Variants in OR10AD1 observed in about 807,000 individuals in gnomAD.
The protein encoded by OR10AD1 is olfactory receptor 10AD1.
For missense variants in OR10AD1, 309 were observed against 192.7 expected (o/e 1.60, Z -3.57); for synonymous variants, 115 against 72.2 (o/e 1.59, Z -3.00).
Position 48,203,289 on chromosome 12 carries a change from G to C in OR10AD1, c.4C>G (p.Leu2Val). Residue 2 changes from leucine to valine, a missense_variant, in exon 1 of 1, where the codon CTA (leucine) becomes GTA (valine). Transcript: ENST00000310248. Reference protein sequence around the residue: MLRNGSIVTEFI... With the variant: MVRNGSIVTEFI... Reference sequence around the variant, plus strand: ...TCCGTCACTATGCTGCCATTCCTTAGCATCTGGGGCCTGTTTGAGGAGGAA... The same window carrying C: ...TCCGTCACTATGCTGCCATTCCTTACCATCTGGGGCCTGTTTGAGGAGGAA... 1 of 778,698 alleles carries C rather than the reference G, an allele frequency of 1.3e-6. No homozygotes were observed. Among genetic ancestry groups the C allele is most frequent in the Middle Eastern group, 2.3e-4 (1 of 4,436 alleles). The allele number at this position is 778,698 out of a possible 1,614,324, so 48.2% of individuals were successfully genotyped here.
chr12:48,202,881 T>A lies in OR10AD1; in HGVS notation c.412A>T (p.Ser138Cys), dbSNP rs758276212. 4 of 781,048 alleles carry A rather than the reference T, an allele frequency of 5.1e-6. No homozygotes were observed. The highest frequency in any genetic ancestry group is 2.3e-4 in the Middle Eastern group (1 of 4,442). The allele number at this position is 781,048 out of a possible 1,614,324, so 48.4% of individuals were successfully genotyped here. Reference protein sequence around the residue: ...CYPLNYVPIISQKVCVRLVGT... With the variant: ...CYPLNYVPIICQKVCVRLVGT... Reference sequence around the variant, plus strand: ...ACAAGCCTGACACAGACCTTCTGGCTTATGATCGGGACATAGTTAAGTGGG... The same window carrying A: ...ACAAGCCTGACACAGACCTTCTGGCATATGATCGGGACATAGTTAAGTGGG... Residue 138 changes from serine (S) to cysteine (C), a missense_variant, in exon 1 of 1, where the codon AGC (serine) becomes TGC (cysteine). Transcript: ENST00000310248.
In OR10AD1 at chr12:48,202,387, C is replaced by T; in HGVS notation, c.906G>A (p.Met302Ile). The T allele has an allele frequency of 1.3e-6, 1 of 779,900 alleles. No homozygotes were observed. Among genetic ancestry groups the T allele is most frequent in the Non-Finnish European group, 2.4e-6 (1 of 417,440 alleles). 48.3% of individuals were successfully genotyped at this position (779,900 alleles called of 1,614,324 possible). ...SFRNKEIKEA[M>I]VRALGRTRLA... ...GCCTGGTTCTTCCAAGTGCCCTCAC[C>T]ATGGCCTCCTTAATTTCCTTGTTGC... Residue 302 changes from methionine (M) to isoleucine (I), a missense_variant, in exon 1 of 1, where the codon ATG becomes ATA. Met to Ile is a conservative substitution (Grantham distance 10). Coordinates refer to ENST00000310248, the MANE Select transcript of OR10AD1 (RefSeq NM_001004134.1).
At position 48,202,646 on chromosome 12, in the gene OR10AD1, A is replaced by G; in HGVS notation, c.647T>C (p.Val216Ala). Reference sequence around the variant, plus strand: ...GGCCAGGATGTGCACATAGGAAGTGACAGTGAGCACCATGGGGCTGAGAAT... The same window carrying G: ...GGCCAGGATGTGCACATAGGAAGTGGCAGTGAGCACCATGGGGCTGAGAAT... ...VVILSPMVLTVTSYVHILATI... is the reference protein window; with the variant it reads ...VVILSPMVLTATSYVHILATI... The change falls in exon 1 of 1, where the codon GTC becomes GCC. Residue 216 changes from valine (V) to alanine (A), a missense_variant. Val to Ala is a moderately conservative substitution (Grantham distance 64). Transcript: ENST00000310248. The G allele has an allele frequency of 1.3e-6, 1 of 781,068 alleles. No individual in the cohort carries two copies. The highest frequency in any genetic ancestry group is 1.7e-5 in the Admixed American group (1 of 59,032). 48.4% of individuals were successfully genotyped at this position (781,068 alleles called of 1,614,324 possible). A position where few individuals can be genotyped will look rare whatever the true frequency, so the allele number is the denominator to read the frequency against.
chr12:48,202,630 G>T lies in OR10AD1; in HGVS notation c.663C>A (p.His221Gln), dbSNP rs773430631. The stretch of plus-strand genomic sequence containing the variant: ...CTTTGCTGAGGATGGTGGCCAGGAT[G>T]TGCACATAGGAAGTGACAGTGAGCA... Reference protein sequence around the residue: ...PMVLTVTSYVHILATILSKAS... With the variant: ...PMVLTVTSYVQILATILSKAS... Residue 221 changes from histidine (H) to glutamine (Q), a missense_variant, in exon 1 of 1, where the codon CAC becomes CAA. His to Gln is a conservative substitution (Grantham distance 24). Coordinates refer to ENST00000310248, the MANE Select transcript of OR10AD1 (RefSeq NM_001004134.1). 3.8e-6 allele frequency: 3 copies of T among 781,074 alleles called. No individual in the cohort carries two copies. The highest frequency in any genetic ancestry group is 4.8e-6 in the Non-Finnish European group (2 of 418,136). 48.4% of individuals were successfully genotyped at this position (781,074 alleles called of 1,614,324 possible). A position where few individuals can be genotyped will look rare whatever the true frequency, so the allele number is the denominator to read the frequency against.
rs1951601950 is a variant in OR10AD1, at chr12:48,202,696, T to A, written c.597A>T (p.Ala199=). ...SCGDPQFSLW[A]IFADAIVVIL... ...TTACCACGATGGCATCGGCAAAGAT[T>A]GCCCACAGACTAAACTGAGGGTCCC... The change falls in exon 1 of 1, where the codon GCA becomes GCT. Residue 199 remains alanine, a synonymous_variant. Transcript: ENST00000310248. The A allele has an allele frequency of 1.3e-6, 1 of 781,044 alleles. No individual in the cohort carries two copies. The highest frequency in any genetic ancestry group is 1.7e-5 in the African/African-American group (1 of 59,240). The allele number at this position is 781,044 out of a possible 1,614,324, so 48.4% of individuals were successfully genotyped here. A position where few individuals can be genotyped will look rare whatever the true frequency, so the allele number is the denominator to read the frequency against.
Position 48,202,549 on chromosome 12 carries a change from C to T in OR10AD1, c.744G>A (p.Val248=), listed in dbSNP as rs770820657. 29 of 780,824 alleles carry T rather than the reference C, an allele frequency of 3.7e-5. No homozygotes were observed. The highest frequency in any genetic ancestry group is 6.5e-5 in the Non-Finnish European group (27 of 418,120). The allele number at this position is 780,824 out of a possible 1,614,324, so 48.4% of individuals were successfully genotyped here. ...TAGCTGAAGTGTAGAGAAAGATGAC[C>T]ACAGTCAGGTGAGAGGCACAAGTAG... The part of the protein sequence containing the change: ...TFSTCASHLT[V]VIFLYTSAMF... The change falls in exon 1 of 1, where the codon GTG becomes GTA. Residue 248 remains valine, a synonymous_variant. Transcript: ENST00000310248.
rs779253514 is a variant in OR10AD1, at chr12:48,202,992, G to T, written c.301C>A (p.Gln101Lys). Residue 101 changes from glutamine to lysine, a missense_variant, in exon 1 of 1, where the codon CAG (glutamine) becomes AAG (lysine). Physicochemically the swap from Gln to Lys is moderately conservative, Grantham distance 53 (BLOSUM62 1). Coordinates refer to ENST00000310248, the MANE Select transcript of OR10AD1 (RefSeq NM_001004134.1). ...CCAACACAGAAGACAAAGTACATCT[G>T]GGTCATGCAACATACAAAGGAGACA... is the stretch of plus-strand genomic sequence containing the variant. ...HIVSFVCCMT[Q>K]MYFVFCVGVA... The T allele has an allele frequency of 2.6e-6, 2 of 781,040 alleles. No individual in the cohort carries two copies. Among genetic ancestry groups the T allele is most frequent in the South Asian group, 1.3e-5 (1 of 74,602 alleles). The allele number at this position is 781,040 out of a possible 1,614,324, so 48.4% of individuals were successfully genotyped here.
In OR10AD1 at chr12:48,203,232, TG is replaced by T. The variant is rs1951609862; in HGVS notation, c.60del (p.Thr21LeufsTer21). 2.6e-6 allele frequency: 2 copies of T among 781,030 alleles called. No individual in the cohort carries two copies. Among genetic ancestry groups the T allele is most frequent in the South Asian group, 2.7e-5 (2 of 74,620 alleles). 48.4% of individuals were successfully genotyped at this position (781,030 alleles called of 1,614,324 possible). ...GCAAAGAGCAATGCTCGTGTGGAAGTGGAGCTCTGCTGAAAGCCCACGAGGA... is the reference window on the plus strand; with the variant it reads ...GCAAAGAGCAATGCTCGTGTGGAAGTGAGCTCTGCTGAAAGCCCACGAGGA... Reference protein sequence around the residue: ...EFILVGFQQSSTSTRALLFAL... With the variant: ...EFILVGFQQSXTSTRALLFAL... On this transcript the variant is annotated frameshift_variant, in exon 1 of 1. Transcript: ENST00000310248. LOFTEE classifies it low-confidence loss of function (END_TRUNC).
Position 48,203,267 on chromosome 12 carries a change from GT to G in OR10AD1, c.25del (p.Thr9ArgfsTer33), listed in dbSNP as rs751391071. The stretch of plus-strand genomic sequence containing the variant: ...CTGAAAGCCCACGAGGATAAATTCC[GT>G]CACTATGCTGCCATTCCTTAGCATC... The part of the protein sequence containing the change: MLRNGSIV[T>X]EFILVGFQQS... On this transcript the variant is annotated frameshift_variant, in exon 1 of 1. Coordinates refer to ENST00000310248, the MANE Select transcript of OR10AD1 (RefSeq NM_001004134.1). LOFTEE classifies it low-confidence loss of function (END_TRUNC). 1 of 780,726 alleles carries G rather than the reference GT, an allele frequency of 1.3e-6. No individual in the cohort carries two copies. The highest frequency in any genetic ancestry group is 2.4e-6 in the Non-Finnish European group (1 of 418,072). 48.4% of individuals were successfully genotyped at this position (780,726 alleles called of 1,614,324 possible). A position where few individuals can be genotyped will look rare whatever the true frequency, so the allele number is the denominator to read the frequency against.
rs75531856 is a variant in OR10AD1, at chr12:48,202,763, C to T, written c.530G>A (p.Ser177Asn). The T allele has an allele frequency of 0.075, 58,187 of 780,786 alleles. 2,696 individuals carry two copies. Among genetic ancestry groups the T allele is most frequent in the Non-Finnish European group, 0.095 (39,630 of 417,980 alleles). The allele number at this position is 780,786 out of a possible 1,614,324, so 48.4% of individuals were successfully genotyped here. Reference protein sequence around the residue: ...EPFRRDNHIESFFCEAPIVIG... With the variant: ...EPFRRDNHIENFFCEAPIVIG... ...CACTATGGGGGCCTCACAGAAGAAG[C>T]TTTCTATGTGGTTGTCTCTGCGGAA... The change falls in exon 1 of 1, where the codon AGC becomes AAC. Residue 177 changes from serine to asparagine, a missense_variant. By Grantham distance (46) the Ser-to-Asn change is conservative (BLOSUM62 1). Transcript: ENST00000310248.
chr12:48,203,179 G>T lies in OR10AD1; in HGVS notation c.114C>A (p.Thr38=). 1.3e-6 allele frequency: 1 copy of T among 781,094 alleles called. No homozygotes were observed. The highest frequency in any genetic ancestry group is 1.3e-5 in the South Asian group (1 of 74,614). 48.4% of individuals were successfully genotyped at this position (781,094 alleles called of 1,614,324 possible). A position where few individuals can be genotyped will look rare whatever the true frequency, so the allele number is the denominator to read the frequency against. The change falls in exon 1 of 1, where the codon ACC becomes ACA. Residue 38 remains threonine (T), a synonymous_variant. Transcript: ENST00000310248. Reference sequence around the variant, plus strand: ...AGATGATGAGGCCATTCATGGCCATGGTGAGGCTGTAGAGGGCCAAGAAGA... The same window carrying T: ...AGATGATGAGGCCATTCATGGCCATTGTGAGGCTGTAGAGGGCCAAGAAGA... ...FALFLALYSL[T]MAMNGLIIFI...
chr12:48,202,831 C>T lies in OR10AD1; in HGVS notation c.462G>A (p.Leu154=). The change falls in exon 1 of 1, where the codon CTG becomes CTA. Residue 154 remains leucine (L), a synonymous_variant. Transcript: ENST00000310248. ...TATACTCGAGAAAGATGCCATTGAT[C>T]AGCCCAAAGAACCAGGCAGTTCCCA... ...RLVGTAWFFG[L]INGIFLEYIS... 1 of 780,990 alleles carries T rather than the reference C, an allele frequency of 1.3e-6. No individual in the cohort carries two copies. The highest frequency in any genetic ancestry group is 2.4e-5 in the East Asian group (1 of 41,248). 48.4% of individuals were successfully genotyped at this position (780,990 alleles called of 1,614,324 possible). A position where few individuals can be genotyped will look rare whatever the true frequency, so the allele number is the denominator to read the frequency against.
Position 48,202,865 on chromosome 12 carries a change from A to C in OR10AD1, c.428T>G (p.Val143Gly), listed in dbSNP as rs1951604333. The change falls in exon 1 of 1, where the codon GTC becomes GGC. Residue 143 changes from valine (V) to glycine (G), a missense_variant. Physicochemically the swap from Val to Gly is moderately radical, Grantham distance 109. Transcript: ENST00000310248. The stretch of plus-strand genomic sequence containing the variant: ...GAACCAGGCAGTTCCCACAAGCCTG[A>C]CACAGACCTTCTGGCTTATGATCGG... ...YVPIISQKVC[V>G]RLVGTAWFFG... 1.3e-6 allele frequency: 1 copy of C among 780,982 alleles called. No homozygotes were observed. The highest frequency in any genetic ancestry group is 1.7e-5 in the African/African-American group (1 of 59,154). The allele number at this position is 780,982 out of a possible 1,614,324, so 48.4% of individuals were successfully genotyped here. A position where few individuals can be genotyped will look rare whatever the true frequency, so the allele number is the denominator to read the frequency against.
At position 48,202,948 on chromosome 12, in the gene OR10AD1, G is replaced by C. The variant is rs762239026; in HGVS notation, c.345C>G (p.Leu115=). 6 of 780,944 alleles carry C rather than the reference G, an allele frequency of 7.7e-6. No individual in the cohort carries two copies. Among genetic ancestry groups the C allele is most frequent in the Non-Finnish European group, 1.4e-5 (6 of 418,132 alleles). 48.4% of individuals were successfully genotyped at this position (780,944 alleles called of 1,614,324 possible). ...AACGGTCATAGGCCATGAAAGCCAA[G>C]AGGATGCACTCGGCCACACCAACAC... ...VFCVGVAECI[L]LAFMAYDRYV... The change falls in exon 1 of 1, where the codon CTC becomes CTG. Residue 115 remains leucine (L), a synonymous_variant. Transcript: ENST00000310248.
chr12:48,202,741 T>G lies in OR10AD1; in HGVS notation c.552A>C (p.Ile184=). ...HIESFFCEAP[I]VIGLSCGDPQ... ...GGTCCCCACAAGAGAGGCCAATCAC[T>G]ATGGGGGCCTCACAGAAGAAGCTTT... The change falls in exon 1 of 1, where the codon ATA becomes ATC. Residue 184 remains isoleucine (I), a synonymous_variant. Transcript: ENST00000310248. The G allele has an allele frequency of 1.3e-6, 1 of 780,988 alleles. No individual in the cohort carries two copies. The highest frequency in any genetic ancestry group is 2.4e-6 in the Non-Finnish European group (1 of 418,098). The allele number at this position is 780,988 out of a possible 1,614,324, so 48.4% of individuals were successfully genotyped here.
chr12:48,203,122 G>A lies in OR10AD1; in HGVS notation c.171C>T (p.Asn57=), dbSNP rs146900332. Residue 57 remains asparagine (N), a synonymous_variant, in exon 1 of 1, where the codon AAC becomes AAT. Coordinates refer to ENST00000310248, the MANE Select transcript of OR10AD1 (RefSeq NM_001004134.1). ...GGCCGAGGAAGAAGTACATGGGGCT[G>A]TTGAGCTTGGGGTCTGTCCAGGAGG... The part of the protein sequence containing the change: ...FITSWTDPKL[N]SPMYFFLGHL... The A allele has an allele frequency of 1.3e-6, 1 of 780,894 alleles. No individual in the cohort carries two copies. Among genetic ancestry groups the A allele is most frequent in the Non-Finnish European group, 2.4e-6 (1 of 418,088 alleles). The allele number at this position is 780,894 out of a possible 1,614,324, so 48.4% of individuals were successfully genotyped here.
chr12:48,202,506 G>C lies in OR10AD1; in HGVS notation c.787C>G (p.Pro263Ala), dbSNP rs746699026. 3.8e-6 allele frequency: 3 copies of C among 781,018 alleles called. No individual in the cohort carries two copies. In the Admixed American group the frequency reaches 5.1e-5, roughly 13 times the overall value. 48.4% of individuals were successfully genotyped at this position (781,018 alleles called of 1,614,324 possible). ...YTSAMFSYMN[P>A]HSTHGPDKDK... ...TTGTCAGGCCCATGTGTGCTGTGGG[G>C]GTTCATGTAAGAGAACATAGCTGAA... The change falls in exon 1 of 1, where the codon CCC becomes GCC. Residue 263 changes from proline (P) to alanine (A), a missense_variant. By Grantham distance (27) the Pro-to-Ala change is conservative (BLOSUM62 -1). Transcript: ENST00000310248.
At position 48,202,717 on chromosome 12, in the gene OR10AD1, G is replaced by A. The variant is rs1322441958; in HGVS notation, c.576C>T (p.Asp192=). The A allele has an allele frequency of 1.3e-6, 1 of 781,044 alleles. No homozygotes were observed. The highest frequency in any genetic ancestry group is 2.4e-6 in the Non-Finnish European group (1 of 418,136). The allele number at this position is 781,044 out of a possible 1,614,324, so 48.4% of individuals were successfully genotyped here. A position where few individuals can be genotyped will look rare whatever the true frequency, so the allele number is the denominator to read the frequency against. Residue 192 remains aspartate (D), a synonymous_variant, in exon 1 of 1, where the codon GAC becomes GAT. Transcript: ENST00000310248. ...AGATTGCCCACAGACTAAACTGAGGGTCCCCACAAGAGAGGCCAATCACTA... is the reference window on the plus strand; with the variant it reads ...AGATTGCCCACAGACTAAACTGAGGATCCCCACAAGAGAGGCCAATCACTA... The part of the protein sequence containing the change: ...APIVIGLSCG[D]PQFSLWAIFA...
rs1951608367 is a variant in OR10AD1, at chr12:48,203,148, TGATAAA to T, written c.139_144del (p.Phe47_Ile48del). On this transcript the variant is annotated inframe_deletion, in exon 1 of 1. Transcript: ENST00000310248. ...TTGAGCTTGGGGTCTGTCCAGGAGG[TGATAAA>T]GATGATGAGGCCATTCATGGCCATG... The T allele has an allele frequency of 2.6e-6, 2 of 780,212 alleles. No individual in the cohort carries two copies. Among genetic ancestry groups the T allele is most frequent in the Admixed American group, 1.7e-5 (1 of 58,936 alleles). 48.3% of individuals were successfully genotyped at this position (780,212 alleles called of 1,614,324 possible). A position where few individuals can be genotyped will look rare whatever the true frequency, so the allele number is the denominator to read the frequency against.
Sources: allele counts gnomAD v4.1 joint callset, GRCh38; gene constraint gnomAD v4.1.1; transcripts MANE v1.5; gene names NCBI Gene and HGNC (gene_info 2026-07-23, HGNC 2026-07-21).